Variants in SLC25A21 observed in about 807,000 individuals in gnomAD.
SLC25A21 encodes mitochondrial 2-oxodicarboxylate carrier.
SLC25A21 carries 47 observed loss-of-function variants against 43.8 expected under a neutral mutation model. The ratio of observed to expected loss-of-function variants is 1.07; its 90% CI spans 0.85 to 1.37. SLC25A21 has a LOEUF of 1.37. Among genes scored for constraint, SLC25A21 ranks in the 40% most tolerant of loss-of-function variants. SLC25A21 has a pLI of 0.00. For synonymous variants in SLC25A21, 131 were observed against 121.3 expected, an observed-to-expected ratio of 1.08 and a Z score of -0.52; for missense variants, 352 against 350.2, an observed-to-expected ratio of 1.00 and a Z score of -0.04.
At chr14:36,951,142 C>G (rs1018073894) in intron 1 of SLC25A21, among the ~76,000 whole-genome samples, 1 of 150,930 alleles carries the variant, frequency 6.6e-6, no homozygotes, top group Non-Finnish European at 1.5e-5. Context: ...GTTTTGGTAA[C>G]TAAACCACTA....
chr14:36,973,642 G>A (rs918876801), intron 1 of SLC25A21, among the ~76,000 whole-genome samples: 1 of 152,232 alleles, frequency 6.6e-6, no homozygotes, highest in African/African-American at 2.4e-5. Flanking sequence ...ACACCTTACA[G>A]ATTTAGAAAA....
chr14:37,062,014 T>C (rs1002261501), intron 1 of SLC25A21, among the ~76,000 whole-genome samples: 5 of 141,750 alleles, frequency 3.5e-5, no homozygotes, highest in African/African-American at 7.4e-5. Context: ...GTCCAAACAG[T>C]ATGGCCCCCC....
At chr14:36,694,180 G>T (rs1394046434) in intron 7 of SLC25A21, among the ~76,000 whole-genome samples, 1 of 151,734 alleles carries the variant, frequency 6.6e-6, no homozygotes, top group Non-Finnish European at 1.5e-5. Flanking sequence ...TTCTGTCCTT[G>T]TGATAGTTTG....
At chr14:36,875,064 T>C in intron 1 of SLC25A21, 60 bp from the exon 2 acceptor site, 3 of 1,417,218 alleles carry the variant, frequency 2.1e-6, no homozygotes, top group Non-Finnish European at 3.0e-6. Flanking sequence ...CTTATTTCCT[T>C]GATCCCGTCG....
chr14:37,145,542 T>A (rs566817128), intron 1 of SLC25A21, among the ~76,000 whole-genome samples: 2 of 148,800 alleles, frequency 1.3e-5, no homozygotes, highest in South Asian at 2.1e-4. Flanking sequence ...GAACAGAAAA[T>A]TAAGATTAGG....
At chr14:37,098,188 G>GGACT (rs1273821384) in intron 1 of SLC25A21, 1 of 152,062 alleles carries the variant, frequency 6.6e-6, no homozygotes, top group Non-Finnish European at 1.5e-5. Context: ...AGAGGCAGAG[G>GGACT]GACTCAGCTT....
chr14:36,830,138 T>C (rs1306957808), intron 2 of SLC25A21, among the ~76,000 whole-genome samples: 1 of 152,106 alleles, frequency 6.6e-6, no homozygotes, highest in African/African-American at 2.4e-5. Flanking sequence ...CATTACTTCT[T>C]AGGCGGAAAA....
intron 3 of SLC25A21, among the ~76,000 whole-genome samples, chr14:36,770,496 G>A (rs1886579694): frequency 6.6e-6 from 1 of 152,126 alleles, no homozygotes; most frequent in African/African-American, 2.4e-5. Context: ...TAACAAGCCT[G>A]TACATGTACC....
chr14:36,983,645 CA>C (rs1208007828), intron 1 of SLC25A21, among the ~76,000 whole-genome samples: 1 of 152,038 alleles, frequency 6.6e-6, no homozygotes, highest in Non-Finnish European at 1.5e-5. Context: ...GGTATCTACC[CA>C]AAGGAAAAGA....
chr14:37,000,004 G>C (rs563045309), intron 1 of SLC25A21, among the ~76,000 whole-genome samples: 2 of 152,104 alleles, frequency 1.3e-5, no homozygotes, highest in Non-Finnish European at 2.9e-5. Context: ...AATAGTGAAC[G>C]AATAAATGAA....
chr14:36,915,026 A>G (rs1566735175), intron 1 of SLC25A21, among the ~76,000 whole-genome samples: 1 of 151,036 alleles, frequency 6.6e-6, no homozygotes, highest in Non-Finnish European at 1.5e-5. Context: ...AAAACTTACT[A>G]TTTTTTTTTA....
intron 1 of SLC25A21, among the ~76,000 whole-genome samples, chr14:37,023,910 T>G (rs541712434): frequency 6.6e-6 from 1 of 152,088 alleles, no homozygotes; most frequent in South Asian, 2.1e-4. Context: ...AAGGACCATG[T>G]TTTACTCACC....
intron 7 of SLC25A21, among the ~76,000 whole-genome samples, chr14:36,710,416 A>G (rs1883795717): frequency 6.6e-6 from 1 of 151,310 alleles, no homozygotes. Context: ...GGAAACGGGG[A>G]AAAAAAAGAA....
At chr14:36,828,444 C>G (rs934173059) in intron 2 of SLC25A21, 3 of 152,102 alleles carry the variant, frequency 2.0e-5, no homozygotes, top group Non-Finnish European at 4.4e-5. Context: ...AGACACATCT[C>G]ACATCAAGAC....
At chr14:37,148,180 A>G (rs1963701217) in intron 1 of SLC25A21, among the ~76,000 whole-genome samples, 2 of 152,228 alleles carry the variant, frequency 1.3e-5, no homozygotes, top group South Asian at 4.2e-4. Context: ...TTTCCTACAT[A>G]TGGTAACTGT....
At chr14:36,861,897 T>C (rs935321756) in intron 2 of SLC25A21, among the ~76,000 whole-genome samples, 3 of 151,882 alleles carry the variant, frequency 2.0e-5, no homozygotes, top group Non-Finnish European at 4.4e-5. Context: ...ACATACAGAA[T>C]CTACAAGGAA....
At chr14:36,724,409 G>A (rs949305695) in intron 6 of SLC25A21, among the ~76,000 whole-genome samples, 31 of 152,176 alleles carry the variant, frequency 2.0e-4, no homozygotes, top group Non-Finnish European at 1.5e-5. Flanking sequence ...TGGGAGTGAG[G>A]GGGTCTCCAC....
At chr14:37,095,244 G>A (rs990979812) in intron 1 of SLC25A21, among the ~76,000 whole-genome samples, 4 of 152,158 alleles carry the variant, frequency 2.6e-5, no homozygotes, top group East Asian at 1.9e-4. Context: ...TCGGCCAGGC[G>A]TGGTGGCACA....
chr14:36,789,496 A>G (rs1887368461), intron 3 of SLC25A21, among the ~76,000 whole-genome samples: 1 of 151,644 alleles, frequency 6.6e-6, no homozygotes, highest in Non-Finnish European at 1.5e-5. Context: ...CCTGAAATCA[A>G]TTTTGTCAAT....
Sources: gnomAD v4.1 joint callset for allele counts (sites outside exome capture counted in the v4.1 genomes callset) on GRCh38, gnomAD v4.1.1 for gene constraint, MANE v1.5 for transcripts, NCBI Gene and HGNC (gene_info 2026-07-23, HGNC 2026-07-21) for gene names.